Variants in NRG3 observed in about 807,000 individuals in gnomAD.
NRG3 encodes pro-neuregulin-3, membrane-bound isoform.
A neutral mutation model predicts 66.9 loss-of-function variants in NRG3; 31 were observed. The ratio of observed to expected loss-of-function variants is 0.46; its 90% CI spans 0.35 to 0.63. The LOEUF (loss-of-function observed/expected upper bound fraction) is 0.63. Ranked by LOEUF, NRG3 falls within the 20% of genes least tolerant of loss-of-function variation. NRG3 has a pLI of 0.00. For synonymous variants in NRG3, 393 were observed against 359.4 expected (o/e 1.09, Z -1.06); for missense variants, 910 against 878.9 (o/e 1.04, Z -0.45).
chr10:82,267,544 G>A (rs2078362231), intron 1 of NRG3, among the ~76,000 whole-genome samples: 1 of 152,146 alleles, frequency 6.6e-6, no homozygotes, highest in Admixed American at 6.6e-5. Flanking sequence ...TTCTTCCTCT[G>A]CTCTGGCTGC....
intron 2 of NRG3, among the ~76,000 whole-genome samples, chr10:82,572,791 A>G (rs559400431): frequency 5.7e-4 from 87 of 151,914 alleles, no homozygotes; most frequent in African/African-American, 1.9e-3. Context: ...TAGCTGCTTA[A>G]CAAGTCAAGG....
chr10:81,969,864 C>A (rs2059864873), intron 1 of NRG3, among the ~76,000 whole-genome samples: 1 of 152,010 alleles, frequency 6.6e-6, no homozygotes, highest in Non-Finnish European at 1.5e-5. Context: ...TATTCCAATG[C>A]CCGTTTTAAC....
At chr10:81,970,286 C>T (rs1348299863) in intron 1 of NRG3, among the ~76,000 whole-genome samples, 1 of 152,096 alleles carries the variant, frequency 6.6e-6, no homozygotes, top group African/African-American at 2.4e-5. Flanking sequence ...ATCAACATGT[C>T]AGAGAGATGT....
chr10:82,621,904 C>T (rs770978399), intron 2 of NRG3, among the ~76,000 whole-genome samples: 7 of 152,172 alleles, frequency 4.6e-5, no homozygotes, highest in Non-Finnish European at 7.3e-5. Context: ...TGGTAGATAA[C>T]GTAGAAACCA....
At chr10:82,219,159 A>T (rs990559834) in intron 1 of NRG3, among the ~76,000 whole-genome samples, 4 of 151,324 alleles carry the variant, frequency 2.6e-5, no homozygotes, top group African/African-American at 9.7e-5. Context: ...TAGTATATAT[A>T]TGTCAATCTA....
chr10:82,644,557 A>T (rs2050806162), intron 2 of NRG3, among the ~76,000 whole-genome samples: 1 of 152,182 alleles, frequency 6.6e-6, no homozygotes, highest in African/African-American at 2.4e-5. Flanking sequence ...CTAGTGAGAC[A>T]TTACAACCAG....
intron 2 of NRG3, among the ~76,000 whole-genome samples, chr10:82,632,984 A>G (rs191936108): frequency 3.3e-4 from 51 of 152,294 alleles, no homozygotes; most frequent in Non-Finnish European, 6.6e-4. Flanking sequence ...GCTCATTGAT[A>G]TCATCAAGTT....
At chr10:81,926,401 G>GT (rs1376411399) in intron 1 of NRG3, among the ~76,000 whole-genome samples, 1 of 152,146 alleles carries the variant, frequency 6.6e-6, no homozygotes, top group East Asian at 1.9e-4. Flanking sequence ...GATTATAGGT[G>GT]TGAGCCACCA....
chr10:82,694,373 A>T (rs1330394595), intron 2 of NRG3, among the ~76,000 whole-genome samples: 3 of 152,154 alleles, frequency 2.0e-5, no homozygotes, highest in Non-Finnish European at 4.4e-5. Context: ...ACTTTTAAAA[A>T]TTTGGGCAGA....
chr10:82,376,065 G>A (rs2085210672), intron 2 of NRG3, among the ~76,000 whole-genome samples: 1 of 152,112 alleles, frequency 6.6e-6, no homozygotes, highest in Admixed American at 6.5e-5. Flanking sequence ...CTACTCACCT[G>A]AGCAGCTTTT....
At chr10:82,770,226 G>A (rs1160241555) in intron 3 of NRG3, among the ~76,000 whole-genome samples, 2 of 151,988 alleles carry the variant, frequency 1.3e-5, no homozygotes, top group South Asian at 2.1e-4. Flanking sequence ...AAAGTGAAAG[G>A]CTTACATTTT....
intron 3 of NRG3, among the ~76,000 whole-genome samples, chr10:82,805,963 G>A (rs556704325): frequency 6.6e-6 from 1 of 152,220 alleles, no homozygotes; most frequent in East Asian, 1.9e-4. Context: ...TTCTGTCAAA[G>A]GTTTTTCTGA....
intron 1 of NRG3, among the ~76,000 whole-genome samples, chr10:82,134,608 A>G (rs867833339): frequency 7.9e-5 from 12 of 151,590 alleles, no homozygotes; most frequent in Non-Finnish European, 1.3e-4. Context: ...GTTCTGTTCT[A>G]TTGGTCTGTG....
intron 2 of NRG3, among the ~76,000 whole-genome samples, chr10:82,683,835 C>T (rs1032769738): frequency 6.6e-6 from 1 of 152,194 alleles, no homozygotes; most frequent in African/African-American, 2.4e-5. Flanking sequence ...AGAGCTAGAG[C>T]TAGAAAACAA....
intron 5 of NRG3, 74 bp downstream of exon 5, chr10:82,951,645 C>G: frequency 7.9e-7 from 1 of 1,261,452 alleles, no homozygotes; most frequent in Non-Finnish European, 1.2e-6. Flanking sequence ...AGTTCTCAGT[C>G]TGTGTGCCAC....
At chr10:82,914,775 C>T (rs1048524364) in intron 4 of NRG3, among the ~76,000 whole-genome samples, 48 of 151,268 alleles carry the variant, frequency 3.2e-4, no homozygotes, top group Middle Eastern at 3.4e-3. Flanking sequence ...CCACACCCCT[C>T]CCCTTACATG....
At chr10:82,248,412 A>G (rs756047942) in intron 1 of NRG3, among the ~76,000 whole-genome samples, 8 of 152,074 alleles carry the variant, frequency 5.3e-5, no homozygotes, top group Non-Finnish European at 1.2e-4. Context: ...TCTCACCAAG[A>G]TGTTGAACTG....
intron 1 of NRG3, among the ~76,000 whole-genome samples, chr10:82,155,191 C>G (rs1294504193): frequency 6.6e-6 from 1 of 151,630 alleles, no homozygotes; most frequent in Non-Finnish European, 1.5e-5. Context: ...TAGCTAGTTT[C>G]CCAATCAGAG....
At chr10:82,581,071 A>C (rs986873275) in intron 2 of NRG3, among the ~76,000 whole-genome samples, 3 of 152,128 alleles carry the variant, frequency 2.0e-5, no homozygotes, top group South Asian at 4.1e-4. Context: ...CACCACAATG[A>C]ATGAGAGTTC....
Sources: gnomAD v4.1 joint callset for allele counts (sites outside exome capture counted in the v4.1 genomes callset) on GRCh38, gnomAD v4.1.1 for gene constraint, MANE v1.5 for transcripts, NCBI Gene and HGNC (gene_info 2026-07-23, HGNC 2026-07-21) for gene names.